Variants in CTNNA3 observed in about 807,000 individuals in gnomAD.
CTNNA3 encodes the protein catenin alpha-3.
Under a neutral mutation model 95.7 loss-of-function variants are expected in CTNNA3, and 76 were observed. The ratio of observed to expected loss-of-function variants is 0.79; its 90% CI spans 0.66 to 0.96. The LOEUF is 0.96. CTNNA3 is among the 40% of genes least tolerant of loss of function. The pLI, the probability that CTNNA3 is intolerant of heterozygous loss-of-function variation, is 0.00. For missense variants in CTNNA3, 1,191 were observed against 1,089.8 expected (o/e 1.09, Z -1.31); for synonymous variants, 431 against 374.4 (o/e 1.15, Z -1.74).
At chr10:67,029,758 A>G (rs992827820) in intron 7 of CTNNA3, among the ~76,000 whole-genome samples, 1 of 152,224 alleles carries the variant, frequency 6.6e-6, no homozygotes, top group Non-Finnish European at 1.5e-5. Context: ...TCAAAAACCA[A>G]TCAATACCTG....
At chr10:67,352,143 T>C (rs1247554332) in intron 5 of CTNNA3, among the ~76,000 whole-genome samples, 2 of 151,958 alleles carry the variant, frequency 1.3e-5, no homozygotes, top group Non-Finnish European at 2.9e-5. Flanking sequence ...AGTGTGATGA[T>C]AGAAGTGTGA....
At chr10:66,122,671 C>T (rs765620377) in intron 13 of CTNNA3, among the ~76,000 whole-genome samples, 3 of 152,188 alleles carry the variant, frequency 2.0e-5, no homozygotes, top group Non-Finnish European at 4.4e-5. Context: ...ATACCAAAGA[C>T]TGGGCAATTT....
At chr10:66,813,869 T>C (rs1269042797) in intron 7 of CTNNA3, among the ~76,000 whole-genome samples, 5 of 148,316 alleles carry the variant, frequency 3.4e-5, no homozygotes, top group African/African-American at 1.2e-4. Context: ...TGTGTGTGTG[T>C]GTTTGAAAGG....
chr10:67,285,699 G>A (rs1839569711), intron 5 of CTNNA3, among the ~76,000 whole-genome samples: 1 of 152,146 alleles, frequency 6.6e-6, no homozygotes, highest in African/African-American at 2.4e-5. Flanking sequence ...TGTTTGTACT[G>A]ACTCAATTAT....
At chr10:66,353,222 A>G (rs2092580709) in intron 12 of CTNNA3, among the ~76,000 whole-genome samples, 1 of 152,120 alleles carries the variant, frequency 6.6e-6, no homozygotes, top group African/African-American at 2.4e-5. Flanking sequence ...ATCTATTAAA[A>G]TAGAATAGAT....
intron 7 of CTNNA3, among the ~76,000 whole-genome samples, chr10:66,903,236 T>G (rs1346941960): frequency 1.3e-5 from 2 of 152,158 alleles, no homozygotes; most frequent in African/African-American, 4.8e-5. Flanking sequence ...CACAAATCAG[T>G]AAACATAATC....
chr10:67,568,564 T>C (rs201372752), intron 3 of CTNNA3, among the ~76,000 whole-genome samples: 169 of 151,724 alleles, frequency 1.1e-3, no homozygotes, highest in Non-Finnish European at 1.9e-3. Context: ...CACACACACA[T>C]ATATATATAT....
At chr10:66,340,961 T>G (rs772555802) in intron 12 of CTNNA3, among the ~76,000 whole-genome samples, 1 of 152,004 alleles carries the variant, frequency 6.6e-6, no homozygotes, top group Non-Finnish European at 1.5e-5. Flanking sequence ...AAGTTAGCAT[T>G]ATGCTAAATG....
At chr10:67,217,989 T>C (rs1053000535) in intron 6 of CTNNA3, among the ~76,000 whole-genome samples, 3 of 152,192 alleles carry the variant, frequency 2.0e-5, no homozygotes, top group African/African-American at 4.8e-5. Context: ...AAATGTTGTA[T>C]AAAATTACCT....
chr10:66,232,374 C>T (rs1226984661), intron 13 of CTNNA3, among the ~76,000 whole-genome samples: 1 of 151,890 alleles, frequency 6.6e-6, no homozygotes, highest in African/African-American at 2.4e-5. Flanking sequence ...AATCCCAGGA[C>T]CTTTCTGTGC....
At chr10:67,260,200 CATG>C (rs1866542006) in intron 5 of CTNNA3, among the ~76,000 whole-genome samples, 1 of 152,076 alleles carries the variant, frequency 6.6e-6, no homozygotes, top group Non-Finnish European at 1.5e-5. Context: ...TCTCATTCAG[CATG>C]ATAATGGAGA....
intron 9 of CTNNA3, among the ~76,000 whole-genome samples, chr10:66,757,037 T>C (rs575577022): frequency 6.6e-6 from 1 of 152,326 alleles, no homozygotes; most frequent in South Asian, 2.1e-4. Flanking sequence ...CCATATTTCT[T>C]AGTTCTTTTG....
chr10:66,092,914 A>G (rs1399719468), intron 14 of CTNNA3, among the ~76,000 whole-genome samples: 1 of 151,976 alleles, frequency 6.6e-6, no homozygotes, highest in Non-Finnish European at 1.5e-5. Flanking sequence ...AAGAAAAACT[A>G]TAATAAAAAA....
At chr10:66,343,144 G>A (rs1380469442) in intron 12 of CTNNA3, among the ~76,000 whole-genome samples, 1 of 151,998 alleles carries the variant, frequency 6.6e-6, no homozygotes, top group Non-Finnish European at 1.5e-5. Flanking sequence ...AACTAGTACA[G>A]CCACTATGGA....
intron 13 of CTNNA3, among the ~76,000 whole-genome samples, chr10:66,152,912 T>G (rs2084278042): frequency 6.6e-6 from 1 of 151,942 alleles, no homozygotes; most frequent in Non-Finnish European, 1.5e-5. Context: ...ATTATTTTCT[T>G]GAATATTTTT....
rs548905076 is a variant in CTNNA3 at position 67,298,357 on chromosome 10, G to A, written c.580-78487C>T. 2.6e-5 allele frequency among the ~76,000 whole-genome samples: 4 copies of A among 152,266 alleles called. No homozygotes were observed. In the East Asian group the frequency reaches 7.7e-4, roughly 29 times the overall value. On this transcript the variant is annotated intron_variant, in intron 5 of 17. Coordinates refer to ENST00000433211, the MANE Select transcript of CTNNA3 (RefSeq NM_013266.4). ...AAGCATTGTGCTTGATGGTGGATGGGGTTCAAGGTTCAGGTTTAATAATCT... is the reference window on the plus strand; with the variant it reads ...AAGCATTGTGCTTGATGGTGGATGGAGTTCAAGGTTCAGGTTTAATAATCT...
intron 5 of CTNNA3, among the ~76,000 whole-genome samples, chr10:67,408,780 A>G (rs906053582): frequency 1.8e-4 from 28 of 151,676 alleles, no homozygotes; most frequent in African/African-American, 6.5e-4. Context: ...AAAAGAAACT[A>G]TCATCAAGTG....
At chr10:66,145,513 A>AG (rs2083838722) in intron 13 of CTNNA3, among the ~76,000 whole-genome samples, 1 of 152,166 alleles carries the variant, frequency 6.6e-6, no homozygotes. Context: ...TCATTTATAG[A>AG]GAAAGTGGGG....
At chr10:66,337,174 A>T (rs2092406457) in intron 12 of CTNNA3, among the ~76,000 whole-genome samples, 1 of 152,106 alleles carries the variant, frequency 6.6e-6, no homozygotes, top group Non-Finnish European at 1.5e-5. Context: ...TTAATTTGTA[A>T]ACAAATTTTT....
Sources: gnomAD v4.1 joint callset for allele counts (sites outside exome capture counted in the v4.1 genomes callset) on GRCh38, gnomAD v4.1.1 for gene constraint, MANE v1.5 for transcripts, NCBI Gene and HGNC (gene_info 2026-07-23, HGNC 2026-07-21) for gene names.